NOS1AP: variants seen among roughly 807,000 people sequenced by gnomAD.
NOS1AP encodes the protein nitric oxide synthase 1 adaptor protein.
Under a neutral mutation model 56.2 loss-of-function variants are expected in NOS1AP, and 21 were observed. The observed-to-expected ratio is 0.37, with a 90% CI of 0.26 to 0.54. NOS1AP has a LOEUF of 0.54. Ranked by LOEUF, NOS1AP falls within the 20% of genes least tolerant of loss-of-function variation. The probability of loss-of-function intolerance (pLI) is 0.84; values close to 1 mark genes in which losing one functional copy is unlikely to be tolerated. For synonymous variants in NOS1AP, 270 were observed against 274.6 expected, an observed-to-expected ratio of 0.98 and a Z score of 0.17; for missense variants, 522 against 657.8, an observed-to-expected ratio of 0.79 and a Z score of 2.26.
chr1:162,121,412 C>T (rs1035618494), intron 1 of NOS1AP, among the ~76,000 whole-genome samples: 4 of 152,056 alleles, frequency 2.6e-5, no homozygotes, highest in Admixed American at 2.6e-4. Context: ...AGTCACCGTG[C>T]CCGGCCTTGG....
intron 5 of NOS1AP, chr1:162,342,660 A>G (rs1278674636): frequency 2.2e-6 from 1 of 456,034 alleles, no homozygotes; most frequent in Non-Finnish European, 4.6e-6. Flanking sequence ...AGACTTATCA[A>G]AACACTGGAT....
intron 2 of NOS1AP, among the ~76,000 whole-genome samples, chr1:162,261,504 G>GGAGAAGAGA (rs1249513830): frequency 9.0e-5 from 1 of 11,132 alleles, no homozygotes; most frequent in African/African-American, 6.5e-4. Context: ...GAGAGAGAGA[G>GGAGAAGAGA]AGAGAGAGAG....
chr1:162,360,923 A>T, intron 8 of NOS1AP: 1 of 456,246 alleles, frequency 2.2e-6, no homozygotes, highest in South Asian at 1.5e-5. Flanking sequence ...GCTGGAGTCC[A>T]GGCAAGTAAG....
chr1:162,135,665 T>G (rs1431161382), intron 1 of NOS1AP, among the ~76,000 whole-genome samples: 2 of 152,166 alleles, frequency 1.3e-5, no homozygotes. Context: ...CCTTAAAGCA[T>G]GAGGGTGACT....
intron 1 of NOS1AP, among the ~76,000 whole-genome samples, chr1:162,113,077 G>A: frequency 6.6e-6 from 1 of 152,192 alleles, no homozygotes; most frequent in East Asian, 1.9e-4. Flanking sequence ...CAGGCAGAGG[G>A]TGGTGGGGAT....
rs1040078932 is a variant in NOS1AP, at chr1:162,145,509, G to A, written c.106-8896G>A. Among the ~76,000 whole-genome samples, 4 of 152,152 alleles carry A rather than the reference G, an allele frequency of 2.6e-5. 1 individual carries two copies. Among genetic ancestry groups the A allele is most frequent in the Non-Finnish European group, 4.4e-5 (3 of 68,036 alleles). On this transcript the variant is annotated intron_variant, in intron 1 of 9. Coordinates refer to ENST00000361897, the MANE Select transcript of NOS1AP (RefSeq NM_014697.3). The stretch of plus-strand genomic sequence containing the variant: ...AGTGTGTGCCCCGGAATCTGGGGCC[G>A]CTCCTGCTGCTGCAGTTAATGCTGC...
chr1:162,311,014 C>T (rs1656008969), intron 4 of NOS1AP, among the ~76,000 whole-genome samples: 1 of 152,082 alleles, frequency 6.6e-6, no homozygotes, highest in Non-Finnish European at 1.5e-5. Context: ...CAGCTCTCTC[C>T]TTTCCTTTTT....
At chr1:162,160,478 C>A (rs1023930235) in intron 2 of NOS1AP, among the ~76,000 whole-genome samples, 2 of 152,144 alleles carry the variant, frequency 1.3e-5, no homozygotes, top group African/African-American at 2.4e-5. Flanking sequence ...GGTGGACGGG[C>A]GGCTTTATGG....
intron 2 of NOS1AP, among the ~76,000 whole-genome samples, chr1:162,192,855 C>T (rs915079967): frequency 2.0e-5 from 3 of 152,120 alleles, no homozygotes; most frequent in South Asian, 4.1e-4. Context: ...TGAGCTTTTG[C>T]AGAGCAGAGC....
chr1:162,144,885 C>T (rs16857061), intron 1 of NOS1AP, among the ~76,000 whole-genome samples: 2,008 of 152,302 alleles, frequency 0.013, 23 homozygotes, highest in East Asian at 0.069. Context: ...ACTAAAAGAA[C>T]TGAAAGACAC....
intron 2 of NOS1AP, among the ~76,000 whole-genome samples, chr1:162,217,201 C>T (rs995742754): frequency 6.8e-6 from 1 of 147,972 alleles, no homozygotes; most frequent in East Asian, 2.0e-4. Context: ...TGTCTGGGTC[C>T]AAATTGGTAC....
intron 2 of NOS1AP, among the ~76,000 whole-genome samples, chr1:162,260,818 A>G (rs1257390264): frequency 6.6e-6 from 1 of 152,184 alleles, no homozygotes; most frequent in Non-Finnish European, 1.5e-5. Context: ...GGAACTGAGT[A>G]TAATGATTGA....
rs186092325 is a variant in NOS1AP at position 162,081,206 on chromosome 1, G to A, written c.105+10924G>A. ...GGTTTTATTGTTCCAGTTTTTCAGAGGAGGGTCTTTTAGGTTGGATTGAAT... is the reference window on the plus strand; with the variant it reads ...GGTTTTATTGTTCCAGTTTTTCAGAAGAGGGTCTTTTAGGTTGGATTGAAT... On this transcript the variant is annotated intron_variant, in intron 1 of 9. Transcript: ENST00000361897. Among the ~76,000 whole-genome samples the A allele has an allele frequency of 2.1e-4, 32 of 152,272 alleles. 1 individual carries two copies. The highest frequency in any genetic ancestry group is 6.3e-4 in the African/African-American group (26 of 41,558).
intron 1 of NOS1AP, among the ~76,000 whole-genome samples, chr1:162,124,520 A>G (rs1403394137): frequency 6.9e-6 from 1 of 145,774 alleles, no homozygotes; most frequent in Non-Finnish European, 1.5e-5. Context: ...ACACACACAC[A>G]CCGTATTTTC....
chr1:162,362,317 G>T (rs945169377), intron 8 of NOS1AP, among the ~76,000 whole-genome samples: 1 of 152,140 alleles, frequency 6.6e-6, no homozygotes, highest in African/African-American at 2.4e-5. Context: ...TAGGTGTGGT[G>T]GCGGGCGCCA....
At chr1:162,204,017 G>A (rs926982543) in intron 2 of NOS1AP, among the ~76,000 whole-genome samples, 2 of 152,180 alleles carry the variant, frequency 1.3e-5, no homozygotes, top group Non-Finnish European at 2.9e-5. Flanking sequence ...TCGCCTTACT[G>A]TCCTCACACC....
chr1:162,138,535 A>C (rs1191760944), intron 1 of NOS1AP, among the ~76,000 whole-genome samples: 2 of 152,078 alleles, frequency 1.3e-5, no homozygotes, highest in Non-Finnish European at 2.9e-5. Context: ...TAGTGGAGGG[A>C]GAAGCTGGTG....
intron 1 of NOS1AP, among the ~76,000 whole-genome samples, chr1:162,078,222 A>G (rs1691812494): frequency 6.6e-6 from 1 of 151,972 alleles, no homozygotes; most frequent in Non-Finnish European, 1.5e-5. Flanking sequence ...CCACATCTTT[A>G]TGCGCAGCTT....
chr1:162,203,104 A>G (rs1477514563), intron 2 of NOS1AP, among the ~76,000 whole-genome samples: 3 of 152,196 alleles, frequency 2.0e-5, no homozygotes, highest in Admixed American at 6.5e-5. Context: ...AGGCTATCAG[A>G]GGAACCTGCT....
Sources: gnomAD v4.1 joint callset for allele counts (sites outside exome capture counted in the v4.1 genomes callset) on GRCh38, gnomAD v4.1.1 for gene constraint, MANE v1.5 for transcripts, NCBI Gene and HGNC (gene_info 2026-07-23, HGNC 2026-07-21) for gene names.